Variants in CASP10 observed in about 807,000 individuals in gnomAD.
The protein encoded by CASP10 is caspase-10.
In CASP10, 41 loss-of-function variants were observed where a neutral mutation model predicts 48.5. The ratio of observed to expected loss-of-function variants is 0.85; its 90% CI spans 0.66 to 1.10. CASP10 has a LOEUF of 1.10. Among genes scored for constraint, CASP10 ranks in the 50% least tolerant of loss-of-function variants. The probability of loss-of-function intolerance (pLI) is 0.00; values close to 1 mark genes in which losing one functional copy is unlikely to be tolerated. For synonymous variants in CASP10, 232 were observed against 238.4 expected (o/e 0.97, Z 0.25); for missense variants, 614 against 614.5 (o/e 1.00, Z 0.01).
intron 4 of CASP10, chr2:201,193,508 C>CGTG (rs113508638): frequency 0.035 from 9,034 of 260,866 alleles, 224 homozygotes; most frequent in South Asian, 0.055. Context: ...ATGCCTGGCC[C>CGTG]GTGCATGATG....
At chr2:201,200,987 C>A (rs1017793765) in intron 5 of CASP10, among the ~76,000 whole-genome samples, 2 of 152,132 alleles carry the variant, frequency 1.3e-5, no homozygotes, top group Non-Finnish European at 2.9e-5. Flanking sequence ...GCCATGGGCA[C>A]AGCTTTGTTT....
At position 201,195,847 on chromosome 2, in the gene CASP10, C is replaced by T; in HGVS notation, c.583C>T (p.Gln195Ter). The T allele has an allele frequency of 6.2e-7, 1 of 1,609,502 alleles. No individual in the cohort carries two copies. The change falls in exon 5 of 10, where the codon CAG becomes TAG. Residue 195 changes from glutamine (Q) to a stop codon, truncating the protein, a stop_gained. Coordinates refer to ENST00000286186, the MANE Select transcript of CASP10 (RefSeq NM_032977.4). LOFTEE classifies it high-confidence loss of function. ...IEKYKREKAI[Q>*]IVTPPVDKEA... Reference sequence around the variant, plus strand: ...GTCTGTGATTTTATTTTCAGCTATCCAGATAGTGACACCTCCTGTAGACAA... The same window carrying T: ...GTCTGTGATTTTATTTTCAGCTATCTAGATAGTGACACCTCCTGTAGACAA...
chr2:201,202,580 C>A (rs1415948430), intron 5 of CASP10, among the ~76,000 whole-genome samples: 1 of 152,212 alleles, frequency 6.6e-6, no homozygotes, highest in East Asian at 1.9e-4. Context: ...GGCAGTCTGG[C>A]CAGGCCCTTG....
Position 201,218,666 on chromosome 2 carries a change from C to T in CASP10, c.*925C>T, listed in dbSNP as rs1379508197. On this transcript the variant is annotated 3_prime_UTR_variant, in exon 10 of 10. Coordinates refer to ENST00000286186, the MANE Select transcript of CASP10 (RefSeq NM_032977.4). ...AACCACGTTCTTAGCCTAGATTGAG[C>T]TTAGATTGCCTCTCTAGACAACTAC... 102 of 985,288 alleles carry T rather than the reference C, an allele frequency of 1.0e-4. No individual in the cohort carries two copies. The highest frequency in any genetic ancestry group is 1.2e-4 in the Non-Finnish European group (98 of 829,958). The allele number at this position is 985,288 out of a possible 1,614,324, so 61.0% of individuals were successfully genotyped here. A position where few individuals can be genotyped will look rare whatever the true frequency, so the allele number is the denominator to read the frequency against.
At position 201,193,029 on chromosome 2, in the gene CASP10, G is replaced by T. The variant is rs769455042; in HGVS notation, c.487G>T (p.Asp163Tyr). 1.2e-6 allele frequency: 2 copies of T among 1,613,742 alleles called. No homozygotes were observed. Among genetic ancestry groups the T allele is most frequent in the Non-Finnish European group, 1.7e-6 (2 of 1,179,722 alleles). Residue 163 changes from aspartate to tyrosine, a missense_variant, in exon 4 of 10, where the codon GAT (aspartate) becomes TAT (tyrosine). Physicochemically the swap from Asp to Tyr is radical, Grantham distance 160. Coordinates refer to ENST00000286186, the MANE Select transcript of CASP10 (RefSeq NM_032977.4). ...ATTTCTAGAGAAACAAGGTAAAATAGATGAAGATAATCTGACATGCCTGGA... is the reference window on the plus strand; with the variant it reads ...ATTTCTAGAGAAACAAGGTAAAATATATGAAGATAATCTGACATGCCTGGA... The part of the protein sequence containing the change: ...LAFLEKQGKI[D>Y]EDNLTCLEDL...
intron 7 of CASP10, 129 bp downstream of exon 7, chr2:201,206,102 G>A (rs1029965826): frequency 1.8e-5 from 11 of 621,834 alleles, no homozygotes; most frequent in African/African-American, 7.4e-5. Context: ...GCTCCGAGCT[G>A]TTTGTTTCAG....
chr2:201,208,041 G>A (rs1945266267), intron 7 of CASP10, 34 bp from the exon 8 acceptor site: 4 of 1,491,338 alleles, frequency 2.7e-6, no homozygotes, highest in Non-Finnish European at 3.7e-6. Flanking sequence ...CTAAGATAAG[G>A]ATTCCTACTA....
chr2:201,217,661 A>G lies in CASP10; in HGVS notation c.1489A>G (p.Lys497Glu), dbSNP rs1199279778. ...TCGAAGAGTGGACAAACAGGGAACA[A>G]AGAAACAGATGCCCCAGCCTGCTTT... The part of the protein sequence containing the change: ...VSRRVDKQGT[K>E]KQMPQPAFTL... Residue 497 changes from lysine (K) to glutamate (E), a missense_variant, in exon 10 of 10, where the codon AAG (lysine) becomes GAG (glutamate). Lys to Glu is a moderately conservative substitution (Grantham distance 56). Transcript: ENST00000286186. 3 of 1,614,090 alleles carry G rather than the reference A, an allele frequency of 1.9e-6. No individual in the cohort carries two copies. Among genetic ancestry groups the G allele is most frequent in the Non-Finnish European group, 2.5e-6 (3 of 1,180,032 alleles).
rs138607846 is a variant in CASP10, at chr2:201,208,288, A to G, written c.922+105A>G. ...GACTTTTATCTTCCATATACGTGTA[A>G]GGATGATATCATGTTTCTGAGCCTC... On this transcript the variant is annotated intron_variant, in intron 8 of 9. Coordinates refer to ENST00000286186, the MANE Select transcript of CASP10 (RefSeq NM_032977.4). 126 of 1,461,880 alleles carry G rather than the reference A, an allele frequency of 8.6e-5. No homozygotes were observed. The African/African-American group carries it at 1.6e-3, about 18-fold the overall frequency. 90.6% of individuals were successfully genotyped at this position (1,461,880 alleles called of 1,614,324 possible). A position where few individuals can be genotyped will look rare whatever the true frequency, so the allele number is the denominator to read the frequency against.
At position 201,219,792 on chromosome 2, in the gene CASP10, T is replaced by A. The variant is rs2126064436; in HGVS notation, c.*2051T>A. On this transcript the variant is annotated 3_prime_UTR_variant, in exon 10 of 10. Transcript: ENST00000286186. ...ATTTTGAATCCTTAAAGGTGAGCCC[T>A]CATAGGGAGATCCAAAGTCCTGTGG... is the stretch of plus-strand genomic sequence containing the variant. 4 of 982,926 alleles carry A rather than the reference T, an allele frequency of 4.1e-6. No homozygotes were observed. The highest frequency in any genetic ancestry group is 4.8e-6 in the Non-Finnish European group (4 of 829,518). The allele number at this position is 982,926 out of a possible 1,614,324, so 60.9% of individuals were successfully genotyped here.
chr2:201,192,531 G>A (rs1398179839), intron 3 of CASP10, among the ~76,000 whole-genome samples: 1 of 151,646 alleles, frequency 6.6e-6, no homozygotes, highest in Non-Finnish European at 1.5e-5. Context: ...TCCCTCTTTT[G>A]CTGGCTTCCT....
At chr2:201,196,887 A>C (rs1944813810) in intron 5 of CASP10, among the ~76,000 whole-genome samples, 3 of 152,054 alleles carry the variant, frequency 2.0e-5, no homozygotes, top group Admixed American at 1.3e-4. Flanking sequence ...TTCTCTCTCT[A>C]TAAATTTGAC....
At chr2:201,208,869 G>A (rs771468148) in intron 8 of CASP10, among the ~76,000 whole-genome samples, 18 of 152,010 alleles carry the variant, frequency 1.2e-4, no homozygotes, top group Non-Finnish European at 7.4e-5. Flanking sequence ...AGTAGAGATG[G>A]GGTTTTGCCA....
rs779462286 is a variant in CASP10 at position 201,218,661 on chromosome 2, T to C, written c.*920T>C. On this transcript the variant is annotated 3_prime_UTR_variant, in exon 10 of 10. Coordinates refer to ENST00000286186, the MANE Select transcript of CASP10 (RefSeq NM_032977.4). ...TCAAAAACCACGTTCTTAGCCTAGA[T>C]TGAGCTTAGATTGCCTCTCTAGACA... 12 of 985,464 alleles carry C rather than the reference T, an allele frequency of 1.2e-5. No homozygotes were observed. Among genetic ancestry groups the C allele is most frequent in the African/African-American group, 1.7e-5 (1 of 57,348 alleles). 61.0% of individuals were successfully genotyped at this position (985,464 alleles called of 1,614,324 possible).
Position 201,209,416 on chromosome 2 carries a change from C to T in CASP10, c.1269C>T (p.Pro423=), listed in dbSNP as rs1052358913. The T allele has an allele frequency of 3.1e-6, 5 of 1,613,992 alleles. No homozygotes were observed. The African/African-American group carries it at 5.3e-5, about 17-fold the overall frequency. The change falls in exon 9 of 10, where the codon CCC becomes CCT. Residue 423 remains proline, a synonymous_variant. Coordinates refer to ENST00000286186, the MANE Select transcript of CASP10 (RefSeq NM_032977.4). ...ATGCTCTGAACCCTGAGCAGGCACC[C>T]ACTTCCCTGCAGGACAGTATTCCTG... ...EADALNPEQA[P]TSLQDSIPAE...
chr2:201,193,972 A>G (rs910764581), intron 4 of CASP10, among the ~76,000 whole-genome samples: 6 of 152,164 alleles, frequency 3.9e-5, no homozygotes, highest in Non-Finnish European at 7.4e-5. Flanking sequence ...TGTAAAATGC[A>G]TGTCTGGCAT....
At chr2:201,191,280 TA>T (rs1381558983) in intron 3 of CASP10, among the ~76,000 whole-genome samples, 3 of 152,098 alleles carry the variant, frequency 2.0e-5, no homozygotes, top group Admixed American at 1.3e-4. Context: ...AGTATAACAG[TA>T]AAAGGAAACG....
chr2:201,213,345 TGTATGA>T (rs942702612), intron 9 of CASP10: 5 of 152,138 alleles, frequency 3.3e-5, no homozygotes, highest in African/African-American at 9.7e-5. Context: ...TGGTGAAAGG[TGTATGA>T]GTATTAGTAT....
intron 9 of CASP10, chr2:201,228,883 A>G: frequency 6.3e-7 from 1 of 1,586,966 alleles, no homozygotes; most frequent in East Asian, 2.3e-5. Context: ...CTTGTGTGTG[A>G]AAAACCACTC....
Sources: allele counts gnomAD v4.1 joint callset (sites outside exome capture counted in the v4.1 genomes callset), GRCh38; gene constraint gnomAD v4.1.1; transcripts MANE v1.5; gene names NCBI Gene and HGNC (gene_info 2026-07-23, HGNC 2026-07-21).